LOC400499: variants seen among roughly 807,000 people sequenced by gnomAD.
At chr16:11,502,869 C>A in the LOC400499 span, among the ~76,000 whole-genome samples, 1 of 148,224 alleles carries the variant, frequency 6.7e-6, no homozygotes, top group Non-Finnish European at 1.5e-5. Context: ...CCGCCTCGGC[C>A]TTCCAAAGTG....
the LOC400499 span, among the ~76,000 whole-genome samples, chr16:11,428,878 G>C: frequency 1.3e-5 from 2 of 152,036 alleles, no homozygotes; most frequent in Admixed American, 1.3e-4. Context: ...GGGGGCACGT[G>C]GGTGTTTGCA....
chr16:11,460,265 T>C, the LOC400499 span, among the ~76,000 whole-genome samples: 1 of 152,146 alleles, frequency 6.6e-6, no homozygotes, highest in Non-Finnish European at 1.5e-5. Context: ...GGCGCCATCT[T>C]TGCTCACTGC....
At chr16:11,463,109 G>A in the LOC400499 span, among the ~76,000 whole-genome samples, 4 of 152,218 alleles carry the variant, frequency 2.6e-5, no homozygotes, top group Non-Finnish European at 5.9e-5. Context: ...CAGTGGTGCA[G>A]ACCTGGCCAT....
At chr16:11,446,790 G>T in the LOC400499 span, 5 of 1,535,996 alleles carry the variant, frequency 3.3e-6, no homozygotes, top group Non-Finnish European at 3.5e-6. Context: ...TGGTCTGCAG[G>T]GTTTCCTCTC....
At chr16:11,516,056 A>T in the LOC400499 span, 1 of 399,376 alleles carries the variant, frequency 2.5e-6, no homozygotes, top group Non-Finnish European at 4.4e-6. Context: ...TCGGCCCAGG[A>T]TGTCCACCTG....
chr16:11,422,235 T>C, the LOC400499 span, among the ~76,000 whole-genome samples: 2,317 of 152,230 alleles, frequency 0.015, 63 homozygotes, highest in African/African-American at 0.053. Flanking sequence ...ACCCTGTCTA[T>C]ACTAAAAATA....
At chr16:11,478,203 T>C in the LOC400499 span, among the ~76,000 whole-genome samples, 1 of 150,074 alleles carries the variant, frequency 6.7e-6, no homozygotes, top group Non-Finnish European at 1.5e-5. Flanking sequence ...AATTTTTGTG[T>C]TTTCAGTAGA....
chr16:11,442,260 A>G, the LOC400499 span: 81,942 of 151,626 alleles, frequency 0.54, 22,480 homozygotes, highest in South Asian at 0.64. Flanking sequence ...TCGCTCTGTC[A>G]CCCAGGCTGG....
chr16:11,444,722 C>T, the LOC400499 span, among the ~76,000 whole-genome samples: 106 of 152,260 alleles, frequency 7.0e-4, no homozygotes, highest in Non-Finnish European at 1.3e-3. Context: ...CCTGTGGCTA[C>T]GGTGGTAAAG....
chr16:11,406,088 G>C, the LOC400499 span, among the ~76,000 whole-genome samples: 2 of 150,698 alleles, frequency 1.3e-5, no homozygotes, highest in Non-Finnish European at 2.9e-5. Flanking sequence ...TGTAATGGTG[G>C]GGACTGGGCT....
chr16:11,446,697 C>T, the LOC400499 span: 11 of 1,532,424 alleles, frequency 7.2e-6, no homozygotes, highest in Non-Finnish European at 9.6e-6. Context: ...GCAGCTGGGG[C>T]CTTCCTCTGG....
At chr16:11,471,670 T>C in the LOC400499 span, 1 of 399,158 alleles carries the variant, frequency 2.5e-6, no homozygotes, top group Non-Finnish European at 4.4e-6. Context: ...CTGCAGGGTA[T>C]AGGCAGCTTC....
the LOC400499 span, among the ~76,000 whole-genome samples, chr16:11,483,011 T>C: frequency 1.3e-5 from 2 of 151,974 alleles, no homozygotes; most frequent in African/African-American, 4.8e-5. Context: ...AAGATTTGAA[T>C]GTACATTTCA....
At chr16:11,406,716 G>A in the LOC400499 span, among the ~76,000 whole-genome samples, 1 of 152,242 alleles carries the variant, frequency 6.6e-6, no homozygotes, top group Non-Finnish European at 1.5e-5. Flanking sequence ...ACAGGCGCGA[G>A]CCACCGTGCC....
At chr16:11,452,205 GTTT>G in the LOC400499 span, among the ~76,000 whole-genome samples, 4 of 89,788 alleles carry the variant, frequency 4.5e-5, no homozygotes, top group African/African-American at 3.5e-5. Context: ...TTTTTTGTTT[GTTT>G]TTTTTTTTTT....
chr16:11,390,196 G>T, the LOC400499 span: 1 of 1,232,470 alleles, frequency 8.1e-7, no homozygotes, highest in East Asian at 3.2e-5. Context: ...AGCATCTGTT[G>T]GGCGGCCTGG....
the LOC400499 span, chr16:11,401,293 C>T: frequency 1.5e-5 from 6 of 399,082 alleles, no homozygotes; most frequent in African/African-American, 1.0e-4. Flanking sequence ...CACCCCTGCT[C>T]TCAGCAAGGC....
the LOC400499 span, among the ~76,000 whole-genome samples, chr16:11,475,222 G>C: frequency 7.2e-5 from 11 of 152,104 alleles, no homozygotes; most frequent in Non-Finnish European, 1.5e-4. Flanking sequence ...TGCGGGGCTT[G>C]TAACCTAGAT....
At chr16:11,431,094 C>T in the LOC400499 span, 22 of 399,084 alleles carry the variant, frequency 5.5e-5, no homozygotes, top group Admixed American at 2.6e-4. Flanking sequence ...GGCGGGGCAT[C>T]GCTGCCCAGC....
Sources: allele counts gnomAD v4.1 joint callset (sites outside exome capture counted in the v4.1 genomes callset), GRCh38; gene constraint gnomAD v4.1.1; transcripts MANE v1.5.